Variants in MAML2 observed in about 807,000 individuals in gnomAD.
MAML2 encodes mastermind-like protein 2.
In MAML2, 22 loss-of-function variants were observed where a neutral mutation model predicts 96.1. The ratio of observed to expected loss-of-function variants is 0.23; its 90% CI spans 0.16 to 0.33. The LOEUF is 0.33. MAML2 is among the 10% of genes least tolerant of loss of function. The pLI is 1.00. For missense variants in MAML2, 1,367 were observed against 1,392.4 expected (o/e 0.98, Z 0.29); for synonymous variants, 561 against 521.3 (o/e 1.08, Z -1.04).
chr11:96,200,183 T>G (rs573541796), intron 1 of MAML2, among the ~76,000 whole-genome samples: 2 of 152,340 alleles, frequency 1.3e-5, no homozygotes, highest in South Asian at 2.1e-4. Flanking sequence ...AATAAAAATG[T>G]AAACATGACC....
intron 1 of MAML2, among the ~76,000 whole-genome samples, chr11:96,296,165 A>T (rs142614502): frequency 3.0e-3 from 455 of 152,238 alleles, no homozygotes; most frequent in African/African-American, 0.01. Context: ...GCCTCCAAGT[A>T]GCAGGGACTA....
chr11:96,183,955 C>T (rs1329669707), intron 1 of MAML2, among the ~76,000 whole-genome samples: 1 of 152,210 alleles, frequency 6.6e-6, no homozygotes, highest in Admixed American at 6.5e-5. Flanking sequence ...AGAAATAAAT[C>T]TGCAGGTTTG....
At position 96,145,836 on chromosome 11, in the gene MAML2, C is replaced by T. The variant is rs927254342; in HGVS notation, c.514-52319G>A. On this transcript the variant is annotated intron_variant, in intron 1 of 4. Transcript: ENST00000524717. ...CAGCCTGGCCAACATGGCGAAACCC[C>T]GTCTCTACTAAAAATACAAAAAATT... is the stretch of plus-strand genomic sequence containing the variant. Among the ~76,000 whole-genome samples, 7 of 152,072 alleles carry T rather than the reference C, an allele frequency of 4.6e-5. 1 individual carries two copies. In the South Asian group the frequency reaches 6.2e-4, roughly 14 times the overall value.
At chr11:96,268,346 G>A (rs1862860562) in intron 1 of MAML2, among the ~76,000 whole-genome samples, 1 of 152,104 alleles carries the variant, frequency 6.6e-6, no homozygotes, top group South Asian at 2.1e-4. Context: ...AATTAGCCAG[G>A]TATGGTGGTG....
chr11:96,004,899 C>T (rs1162428289), intron 2 of MAML2, among the ~76,000 whole-genome samples: 1 of 152,134 alleles, frequency 6.6e-6, no homozygotes, highest in East Asian at 1.9e-4. Flanking sequence ...AGGGTAGTGG[C>T]ACAAGAGGTG....
chr11:96,053,869 T>C (rs1859023800), intron 2 of MAML2, among the ~76,000 whole-genome samples: 1 of 152,140 alleles, frequency 6.6e-6, no homozygotes, highest in African/African-American at 2.4e-5. Flanking sequence ...CTTCATCTGT[T>C]TGGTATTTTG....
chr11:96,213,438 T>C (rs1862000191), intron 1 of MAML2, among the ~76,000 whole-genome samples: 1 of 152,198 alleles, frequency 6.6e-6, no homozygotes, highest in African/African-American at 2.4e-5. Context: ...AACACTAACC[T>C]TGAGACCAAA....
chr11:96,296,277 G>A (rs1863297492), intron 1 of MAML2, among the ~76,000 whole-genome samples: 1 of 152,118 alleles, frequency 6.6e-6, no homozygotes, highest in Non-Finnish European at 1.5e-5. Flanking sequence ...TGGAATACAA[G>A]TTGAAAAAAT....
intron 1 of MAML2, among the ~76,000 whole-genome samples, chr11:96,098,972 C>T (rs1193319611): frequency 6.6e-6 from 1 of 151,684 alleles, no homozygotes; most frequent in Non-Finnish European, 1.5e-5. Context: ...CCATCCCTTT[C>T]CACAAAATAA....
At chr11:96,255,616 T>A (rs929956761) in intron 1 of MAML2, among the ~76,000 whole-genome samples, 2 of 152,178 alleles carry the variant, frequency 1.3e-5, no homozygotes, top group African/African-American at 4.8e-5. Context: ...CTGAGAAGCT[T>A]TGAACTTTCC....
chr11:96,159,407 C>CTTTTTTTTTTTTTTTTTTTTTTTTTTTT (rs760811590), intron 1 of MAML2, among the ~76,000 whole-genome samples: 10 of 91,146 alleles, frequency 1.1e-4, no homozygotes, highest in Non-Finnish European at 1.8e-4. Context: ...ACCACTGATT[C>CTTTTTTTTTTTTTTTTTTTTTTTTTTTT]TTTTTTTTTT....
intron 2 of MAML2, among the ~76,000 whole-genome samples, chr11:96,089,372 C>T (rs574490235): frequency 2.0e-5 from 3 of 152,156 alleles, no homozygotes; most frequent in Non-Finnish European, 4.4e-5. Flanking sequence ...TCTTTAACTG[C>T]CTTCAGAGAA....
At chr11:96,144,645 T>C (rs1860788230) in intron 1 of MAML2, among the ~76,000 whole-genome samples, 1 of 152,168 alleles carries the variant, frequency 6.6e-6, no homozygotes, top group Non-Finnish European at 1.5e-5. Flanking sequence ...TGTGAAATTA[T>C]AGGAAGTGGT....
rs149880723 is a variant in MAML2, at chr11:96,157,430, T to C, written c.514-63913A>G. On this transcript the variant is annotated intron_variant, in intron 1 of 4. Coordinates refer to ENST00000524717, the MANE Select transcript of MAML2 (RefSeq NM_032427.4). ...TGTGGAGGAACAGCGAGTGCTACAGTAGGAGAATAATTTTCATTATGGAAC... is the reference window on the plus strand; with the variant it reads ...TGTGGAGGAACAGCGAGTGCTACAGCAGGAGAATAATTTTCATTATGGAAC... 2.9e-3 allele frequency among the ~76,000 whole-genome samples: 439 copies of C among 152,328 alleles called. 3 individuals carry two copies. Among genetic ancestry groups the C allele is most frequent in the African/African-American group, 9.8e-3 (407 of 41,590 alleles).
chr11:96,085,752 G>C (rs374886146), intron 2 of MAML2, among the ~76,000 whole-genome samples: 3 of 152,276 alleles, frequency 2.0e-5, no homozygotes, highest in African/African-American at 4.8e-5. Context: ...GAGAATAATA[G>C]AAGCCATTCC....
intron 1 of MAML2, among the ~76,000 whole-genome samples, chr11:96,117,625 T>C (rs1301292293): frequency 6.6e-6 from 1 of 152,176 alleles, no homozygotes; most frequent in Non-Finnish European, 1.5e-5. Context: ...GAGAAAAGTA[T>C]TGCAGCAAGA....
At chr11:95,993,227 A>T (rs577961109) in intron 2 of MAML2, among the ~76,000 whole-genome samples, 1 of 150,788 alleles carries the variant, frequency 6.6e-6, no homozygotes, top group East Asian at 1.9e-4. Flanking sequence ...AAAAAAATCC[A>T]TCTGTCATTC....
chr11:96,280,540 T>C (rs1376546906), intron 1 of MAML2, among the ~76,000 whole-genome samples: 1 of 152,212 alleles, frequency 6.6e-6, no homozygotes, highest in East Asian at 1.9e-4. Flanking sequence ...GATGATTCTA[T>C]GGAAGCATGA....
At position 96,092,482 on chromosome 11, in the gene MAML2, C is replaced by G; in HGVS notation, c.1549G>C (p.Ala517Pro). 6.2e-7 allele frequency: 1 copy of G among 1,607,400 alleles called. No homozygotes were observed. The highest frequency in any genetic ancestry group is 1.3e-5 in the African/African-American group (1 of 74,770). ...SKVMANYMYK[A>P]GPSAQGGHLD... is the part of the protein sequence containing the mutation. ...TGCCCACCCTGGGCTGAGGGGCCGGCCTTGTACATGTAGTTAGCCATTACT... is the reference window on the plus strand; with the variant it reads ...TGCCCACCCTGGGCTGAGGGGCCGGGCTTGTACATGTAGTTAGCCATTACT... The change falls in exon 2 of 5, where the codon GCC becomes CCC. Residue 517 changes from alanine to proline, a missense_variant. Transcript: ENST00000524717. The surrounding 1 kb of genome is among the most constrained non-coding windows in gnomAD (Gnocchi z 4.1).
Sources: allele counts gnomAD v4.1 joint callset (sites outside exome capture counted in the v4.1 genomes callset), GRCh38; gene constraint gnomAD v4.1.1; non-coding constraint Gnocchi (gnomAD v3.1); transcripts MANE v1.5; gene names NCBI Gene and HGNC (gene_info 2026-07-23, HGNC 2026-07-21).